VGLL4: variants seen among roughly 807,000 people sequenced by gnomAD.
VGLL4 encodes the protein vestigial like family member 4, also known as transcription cofactor vestigial-like protein 4.
In VGLL4, 7 loss-of-function variants were observed where a neutral mutation model predicts 21.0. That is an observed-to-expected ratio of 0.33 (90% CI 0.19 to 0.63). The LOEUF is 0.63. VGLL4 is among the 20% of genes least tolerant of loss of function. VGLL4 has a pLI of 0.78. For synonymous variants in VGLL4, 222 were observed against 173.2 expected (o/e 1.28, Z -2.21); for missense variants, 394 against 425.7 (o/e 0.93, Z 0.66).
intron 3 of VGLL4, among the ~76,000 whole-genome samples, chr3:11,563,258 T>A (rs528464647): frequency 5.3e-5 from 8 of 152,300 alleles, no homozygotes; most frequent in African/African-American, 1.9e-4. Context: ...CATACCCGTG[T>A]CCTTCAGGGA....
upstream of VGLL4, chr3:11,644,053 AAG>A (rs1446551747): frequency 2.1e-5 from 20 of 937,334 alleles, no homozygotes; most frequent in Non-Finnish European, 2.4e-5. Context: ...AAGAAAGAGA[AAG>A]GGGAGGGGGA....
chr3:11,628,395 CA>C (rs796493136), intron 1 of VGLL4, among the ~76,000 whole-genome samples: 159 of 108,240 alleles, frequency 1.5e-3, no homozygotes, highest in Non-Finnish European at 1.3e-3. Context: ...TCTCAAAAAA[CA>C]AAAAAAAAAA....
At chr3:11,700,359 G>C (rs1037171293) in intron 2 of VGLL4, among the ~76,000 whole-genome samples, 9 of 152,178 alleles carry the variant, frequency 5.9e-5, no homozygotes, top group African/African-American at 1.9e-4. Flanking sequence ...TTGTAAAAGA[G>C]AGAAATTCAA....
At chr3:11,673,789 G>A (rs2076250009) in intron 2 of VGLL4, among the ~76,000 whole-genome samples, 1 of 151,972 alleles carries the variant, frequency 6.6e-6, no homozygotes. Context: ...CAAGGTGGGT[G>A]GATCACTTGA....
At chr3:11,647,968 A>G (rs73814968), upstream of VGLL4, among the ~76,000 whole-genome samples, 2,798 of 146,946 alleles carry the variant, frequency 0.019, 75 homozygotes, top group African/African-American at 0.067. Context: ...ATTGTACTTC[A>G]GGGTACAATC....
chr3:11,698,076 T>C (rs1029660411), intron 2 of VGLL4, among the ~76,000 whole-genome samples: 1 of 152,236 alleles, frequency 6.6e-6, no homozygotes, highest in South Asian at 2.1e-4. Flanking sequence ...GAAGATATGG[T>C]TACCAAACTT....
chr3:11,628,881 ATAC>A (rs1242469565), intron 1 of VGLL4, among the ~76,000 whole-genome samples: 1 of 152,186 alleles, frequency 6.6e-6, no homozygotes, highest in Non-Finnish European at 1.5e-5. Flanking sequence ...TAAATATGAG[ATAC>A]TACTTTGGAC....
Position 11,649,150 on chromosome 3 carries a change from G to A in VGLL4, c.65-47128C>T, listed in dbSNP as rs376344560. On this transcript the variant is annotated intron_variant, in intron 2 of 5. Coordinates refer to the VGLL4 transcript ENST00000273038. ...GGATGCATTAAAACCGTGGCTTATCGATGACAGACTATTACGCAGCCATTA... is the reference window on the plus strand; with the variant it reads ...GGATGCATTAAAACCGTGGCTTATCAATGACAGACTATTACGCAGCCATTA... Among the ~76,000 whole-genome samples the A allele has an allele frequency of 3.3e-5, 5 of 152,266 alleles. 1 individual carries two copies. The highest frequency in any genetic ancestry group is 1.2e-4 in the African/African-American group (5 of 41,542).
In VGLL4 at chr3:11,568,751, C is replaced by G. The variant is rs540360126; in HGVS notation, c.273-3732G>C. On this transcript the variant is annotated intron_variant, in intron 2 of 4. Transcript: ENST00000430365. The surrounding 1 kb of genome is among the most constrained non-coding windows in gnomAD (Gnocchi z 5.9). ...GGCAGAAAACCGCACGCATCCTGCC[C>G]GGGAGATGGAAGTCGCCTCCGCTCC... 6.6e-7 allele frequency: 1 copy of G among 1,516,712 alleles called. No individual in the cohort carries two copies. Among genetic ancestry groups the G allele is most frequent in the Non-Finnish European group, 8.8e-7 (1 of 1,131,662 alleles). The allele number at this position is 1,516,712 out of a possible 1,614,324, so 94.0% of individuals were successfully genotyped here. A position where few individuals can be genotyped will look rare whatever the true frequency, so the allele number is the denominator to read the frequency against.
chr3:11,716,562 G>A (rs1183940825), intron 1 of VGLL4, among the ~76,000 whole-genome samples: 1 of 152,058 alleles, frequency 6.6e-6, no homozygotes, highest in Non-Finnish European at 1.5e-5. Context: ...TTATAAACAT[G>A]GAACCACGAA....
chr3:11,678,011 A>T (rs572026290), intron 2 of VGLL4, among the ~76,000 whole-genome samples: 2 of 152,116 alleles, frequency 1.3e-5, no homozygotes, highest in East Asian at 3.9e-4. Context: ...AACGGACGCC[A>T]TCATTCTCAG....
chr3:11,691,523 C>A (rs1206685848), intron 2 of VGLL4, among the ~76,000 whole-genome samples: 1 of 152,192 alleles, frequency 6.6e-6, no homozygotes, highest in African/African-American at 2.4e-5. Context: ...ATTTCAAGCT[C>A]CCAACGTGAT....
chr3:11,611,585 A>T (rs2075063688), intron 1 of VGLL4: 1 of 152,226 alleles, frequency 6.6e-6, no homozygotes, highest in South Asian at 2.1e-4. Context: ...CCTGGTTCTG[A>T]CACCAAAGAT....
At chr3:11,580,341 CTGAG>C (rs1233106017) in intron 2 of VGLL4, among the ~76,000 whole-genome samples, 1 of 152,216 alleles carries the variant, frequency 6.6e-6, no homozygotes, top group East Asian at 1.9e-4. Flanking sequence ...CTTTTTAAGG[CTGAG>C]TAATATTCCA....
chr3:11,694,293 G>C (rs1489054043), intron 2 of VGLL4, among the ~76,000 whole-genome samples: 1 of 152,174 alleles, frequency 6.6e-6, no homozygotes, highest in East Asian at 1.9e-4. Context: ...ATTGCTGTAA[G>C]ATTTCAGTGA....
intron 1 of VGLL4, among the ~76,000 whole-genome samples, chr3:11,606,970 A>G (rs1018738475): frequency 2.6e-5 from 4 of 152,182 alleles, no homozygotes; most frequent in African/African-American, 9.7e-5. Context: ...AGCGAGACCA[A>G]GAACCCACCA....
chr3:11,635,977 G>A (rs543749987), intron 1 of VGLL4, among the ~76,000 whole-genome samples: 26 of 152,294 alleles, frequency 1.7e-4, no homozygotes, highest in Non-Finnish European at 3.4e-4. Flanking sequence ...TCTGGGGTCA[G>A]CCAATAGTTT....
intron 2 of VGLL4, among the ~76,000 whole-genome samples, chr3:11,567,544 C>T (rs1465594114): frequency 6.6e-6 from 1 of 152,184 alleles, no homozygotes; most frequent in East Asian, 1.9e-4. Context: ...ATTTTCAAAA[C>T]GTTAAAATAC....
At chr3:11,684,730 C>CTGTGTGCGTGTG (rs1553743968) in intron 2 of VGLL4, among the ~76,000 whole-genome samples, 2 of 148,674 alleles carry the variant, frequency 1.3e-5, no homozygotes, top group Non-Finnish European at 3.0e-5. Context: ...CAACCTTTTT[C>CTGTGTGCGTGTG]TGTGTGTGTG....
Sources: gnomAD v4.1 joint callset for allele counts (sites outside exome capture counted in the v4.1 genomes callset) on GRCh38, gnomAD v4.1.1 for gene constraint, Gnocchi (gnomAD v3.1) non-coding constraint, MANE v1.5 for transcripts, NCBI Gene and HGNC (gene_info 2026-07-23, HGNC 2026-07-21) for gene names.